The following WDR27 variants were observed in gnomAD, a reference collection of about 807,000 sequenced individuals.
WDR27 encodes WD repeat-containing protein 27.
WDR27 carries 100 observed loss-of-function variants against 114.4 expected under a neutral mutation model. That is an observed-to-expected ratio of 0.87 (90% confidence interval 0.74 to 1.03). WDR27 has a LOEUF of 1.03. Among genes scored for constraint, WDR27 ranks in the 50% least tolerant of loss-of-function variants. The pLI is 0.00. For missense variants in WDR27, 1,129 were observed against 1,092.9 expected (o/e 1.03, Z -0.47); for synonymous variants, 449 against 423.1 (o/e 1.06, Z -0.75).
At chr6:169,595,654 CAGAT>C (rs1313242818) in intron 23 of WDR27, among the ~76,000 whole-genome samples, 2 of 152,082 alleles carry the variant, frequency 1.3e-5, no homozygotes, top group African/African-American at 4.8e-5. Flanking sequence ...TAAACTATAA[CAGAT>C]AGAATATTTA....
chr6:169,642,490 G>A (rs1395792325), intron 17 of WDR27, among the ~76,000 whole-genome samples: 4 of 152,200 alleles, frequency 2.6e-5, no homozygotes, highest in Non-Finnish European at 5.9e-5. Context: ...GCTCCCAGGT[G>A]CACTGTGAAG....
intron 1 of WDR27, among the ~76,000 whole-genome samples, chr6:169,698,690 T>C (rs574842432): frequency 3.2e-4 from 48 of 152,276 alleles, no homozygotes; most frequent in African/African-American, 1.1e-3. Flanking sequence ...CAATTTCTGG[T>C]CTGGAAAGCA....
intron 25 of WDR27, among the ~76,000 whole-genome samples, chr6:169,567,614 C>T (rs536284682): frequency 2.6e-4 from 39 of 152,230 alleles, no homozygotes; most frequent in Non-Finnish European, 3.8e-4. Context: ...AGACTGAAGG[C>T]GGCGTGCTGA....
At chr6:169,514,271 AAATT>A (rs1265410732) in intron 25 of WDR27, among the ~76,000 whole-genome samples, 1 of 151,446 alleles carries the variant, frequency 6.6e-6, no homozygotes, top group African/African-American at 2.4e-5. Flanking sequence ...CAGTATACAT[AAATT>A]ATTATAAATT....
chr6:169,497,719 T>C (rs1445380314), intron 25 of WDR27, among the ~76,000 whole-genome samples: 1 of 152,096 alleles, frequency 6.6e-6, no homozygotes, highest in Non-Finnish European at 1.5e-5. Context: ...CTCACACCCA[T>C]TAGAATGCAA....
intron 22 of WDR27, among the ~76,000 whole-genome samples, chr6:169,609,685 T>G (rs1417363113): frequency 6.6e-6 from 1 of 152,226 alleles, no homozygotes; most frequent in African/African-American, 2.4e-5. Context: ...ACCTCTGACG[T>G]GTCCTGAAGA....
chr6:169,559,672 G>C (rs1799410400), intron 25 of WDR27: 1 of 152,136 alleles, frequency 6.6e-6, no homozygotes, highest in African/African-American at 2.4e-5. Flanking sequence ...ACGGCTTTCT[G>C]CTCTTGAATC....
chr6:169,622,743 G>C (rs543348571), intron 21 of WDR27, among the ~76,000 whole-genome samples: 1 of 152,206 alleles, frequency 6.6e-6, no homozygotes, highest in Non-Finnish European at 1.5e-5. Context: ...TTCGACACGG[G>C]AGAAGCGTCC....
intron 21 of WDR27, among the ~76,000 whole-genome samples, chr6:169,617,028 G>T (rs140851408): frequency 0.01 from 1,594 of 152,296 alleles, 38 homozygotes; most frequent in African/African-American, 0.037. Context: ...GACACCATGT[G>T]TAAGAGGCTA....
the WDR27 span, among the ~76,000 whole-genome samples, chr6:169,433,923 C>G: frequency 6.6e-6 from 1 of 152,194 alleles, no homozygotes; most frequent in Non-Finnish European, 1.5e-5. Context: ...CCTTCCCCCA[C>G]TTTTGTATGG....
chr6:169,651,888 C>T (rs777740372), intron 14 of WDR27, 42 bp downstream of exon 14: 17 of 1,548,958 alleles, frequency 1.1e-5, no homozygotes, highest in Admixed American at 3.4e-5. Context: ...GCATCTGTGA[C>T]GCAGGTGCAT....
chr6:169,494,606 G>A (rs3006174), intron 25 of WDR27, among the ~76,000 whole-genome samples: 68,590 of 151,924 alleles, frequency 0.45, 18,950 homozygotes, highest in Non-Finnish European at 0.63. Flanking sequence ...CTGAAATGTT[G>A]TTATGGGGTG....
the WDR27 span, among the ~76,000 whole-genome samples, chr6:169,439,841 T>A: frequency 1.3e-5 from 2 of 149,328 alleles, no homozygotes; most frequent in East Asian, 3.9e-4. Context: ...AGGATGCAAT[T>A]ATAATCGTTA....
intron 23 of WDR27, among the ~76,000 whole-genome samples, chr6:169,593,850 A>G (rs1806246308): frequency 8.0e-6 from 1 of 124,738 alleles, no homozygotes; most frequent in Admixed American, 9.3e-5. Context: ...CTCTGTCTCA[A>G]AAAAACAAAC....
chr6:169,673,953 G>T (rs762585843), intron 2 of WDR27, among the ~76,000 whole-genome samples: 1 of 152,094 alleles, frequency 6.6e-6, no homozygotes, highest in Non-Finnish European at 1.5e-5. Flanking sequence ...CAAAACCCAA[G>T]GAGTAAAGAT....
intron 25 of WDR27, among the ~76,000 whole-genome samples, chr6:169,482,041 A>G (rs1228037000): frequency 6.6e-6 from 1 of 152,218 alleles, no homozygotes; most frequent in African/African-American, 2.4e-5. Context: ...TAATAAGAAT[A>G]TGCAGTGTTC....
intron 25 of WDR27, among the ~76,000 whole-genome samples, chr6:169,531,109 C>T (rs1481130601): frequency 1.3e-5 from 2 of 152,182 alleles, no homozygotes; most frequent in Non-Finnish European, 2.9e-5. Context: ...TTTCATGGCA[C>T]TCATTAAATA....
intron 21 of WDR27, among the ~76,000 whole-genome samples, chr6:169,628,798 C>T (rs548825599): frequency 6.6e-6 from 1 of 152,336 alleles, no homozygotes; most frequent in South Asian, 2.1e-4. Context: ...TCTAACTCAG[C>T]TTCTGATCTG....
At chr6:169,695,871 G>C (rs1169836446) in intron 1 of WDR27, among the ~76,000 whole-genome samples, 3 of 152,138 alleles carry the variant, frequency 2.0e-5, no homozygotes, top group Non-Finnish European at 4.4e-5. Flanking sequence ...CTGTGAGAAG[G>C]ACTCAACCTG....
Sources: gnomAD v4.1 joint callset for allele counts (sites outside exome capture counted in the v4.1 genomes callset) on GRCh38, gnomAD v4.1.1 for gene constraint, MANE v1.5 for transcripts, NCBI Gene and HGNC (gene_info 2026-07-23, HGNC 2026-07-21) for gene names.